The following ZPLD1 variants were observed in gnomAD, a reference collection of about 807,000 sequenced individuals.
ZPLD1 encodes the protein zona pellucida-like domain-containing protein 1.
Under a neutral mutation model 47.2 loss-of-function variants are expected in ZPLD1, and 34 were observed. That is an observed-to-expected ratio of 0.72 (90% CI 0.55 to 0.96). The LOEUF is 0.96. Ranked by LOEUF, ZPLD1 falls within the 40% of genes least tolerant of loss-of-function variation. The pLI, the probability that ZPLD1 is intolerant of heterozygous loss-of-function variation, is 0.00. For synonymous variants in ZPLD1, 176 were observed against 186.2 expected, an observed-to-expected ratio of 0.95 and a Z score of 0.45; for missense variants, 512 against 505.8, an observed-to-expected ratio of 1.01 and a Z score of -0.12.
intron 3 of ZPLD1, among the ~76,000 whole-genome samples, chr3:102,448,111 A>G (rs142605071): frequency 1.4e-3 from 212 of 152,322 alleles, no homozygotes; most frequent in African/African-American, 4.8e-3. Context: ...TTTTTACCCT[A>G]TTCAGTTGAA....
At chr3:102,402,144 A>G (rs1005751309) in intron 7 of ZPLD1, among the ~76,000 whole-genome samples, 2 of 152,212 alleles carry the variant, frequency 1.3e-5, no homozygotes, top group East Asian at 3.9e-4. Flanking sequence ...CAAGAAGTCC[A>G]TAAATGCTTC....
At chr3:102,460,093 C>G (rs1294665258) in intron 6 of ZPLD1, among the ~76,000 whole-genome samples, 1 of 151,940 alleles carries the variant, frequency 6.6e-6, no homozygotes, top group Admixed American at 6.5e-5. Context: ...ATTAGTTGAT[C>G]CAAAATCATA....
upstream of ZPLD1, among the ~76,000 whole-genome samples, chr3:102,432,593 G>T (rs1272715005): frequency 1.3e-5 from 2 of 152,174 alleles, no homozygotes; most frequent in African/African-American, 4.8e-5. Context: ...TTTCTTGAGA[G>T]CAGATAAAGG....
chr3:102,419,792 T>A (rs1425950573), intron 8 of ZPLD1, among the ~76,000 whole-genome samples: 3 of 151,998 alleles, frequency 2.0e-5, no homozygotes, highest in African/African-American at 7.2e-5. Context: ...TTGAATAACT[T>A]TAAGTTCATG....
chr3:102,474,645 A>G (rs958092822), intron 10 of ZPLD1, among the ~76,000 whole-genome samples: 2 of 152,180 alleles, frequency 1.3e-5, no homozygotes, highest in South Asian at 4.1e-4. Context: ...ATTATTCTGC[A>G]TGTATCTTTG....
chr3:102,402,891 A>G (rs987034499), intron 7 of ZPLD1, among the ~76,000 whole-genome samples: 3 of 151,978 alleles, frequency 2.0e-5, no homozygotes, highest in Non-Finnish European at 2.9e-5. Context: ...AACTAAAACT[A>G]TTAGTGTTTT....
chr3:102,396,181 A>G lies in ZPLD1; in HGVS notation c.-157+3956A>G, dbSNP rs138797959. ...GATAGTCCATCGCAATGCATGAATC[A>G]GCCGTGCTGTGCTTCACTACTTTTA... On this transcript the variant is annotated intron_variant, in intron 7 of 17. Transcript: ENST00000491959. Among the ~76,000 whole-genome samples the G allele has an allele frequency of 2.0e-4, 31 of 152,308 alleles. No individual in the cohort carries two copies. In the East Asian group the frequency reaches 4.8e-3, roughly 24 times the overall value.
chr3:102,392,536 C>G (rs1172722026), intron 7 of ZPLD1, among the ~76,000 whole-genome samples: 1 of 149,108 alleles, frequency 6.7e-6, no homozygotes, highest in African/African-American at 2.5e-5. Flanking sequence ...TCCTTCCTTC[C>G]TCCCTCCCTC....
chr3:102,387,582 T>A (rs1375749880), intron 6 of ZPLD1, among the ~76,000 whole-genome samples: 1 of 152,158 alleles, frequency 6.6e-6, no homozygotes, highest in African/African-American at 2.4e-5. Flanking sequence ...GGGACTTCCT[T>A]CTAGGTTAAG....
chr3:102,433,683 C>T (rs777659187), upstream of ZPLD1, among the ~76,000 whole-genome samples: 9 of 152,110 alleles, frequency 5.9e-5, no homozygotes, highest in Non-Finnish European at 1.2e-4. Context: ...CCCGCCACCA[C>T]GCCCGGCTAA....
chr3:102,439,013 T>C (rs1576147690), intron 3 of ZPLD1, among the ~76,000 whole-genome samples: 1 of 152,204 alleles, frequency 6.6e-6, no homozygotes, highest in African/African-American at 2.4e-5. Context: ...AATGAAATGA[T>C]GATTACCACA....
At chr3:102,477,103 T>C in intron 11 of ZPLD1, 62 bp downstream of exon 11, 1 of 1,565,310 alleles carries the variant, frequency 6.4e-7, no homozygotes, top group Non-Finnish European at 8.8e-7. Context: ...TACAAAGCTG[T>C]AATCATCTAA....
chr3:102,417,967 T>C (rs1048141213), intron 7 of ZPLD1: 3 of 152,278 alleles, frequency 2.0e-5, no homozygotes, highest in African/African-American at 7.2e-5. Flanking sequence ...TCAGATTTCA[T>C]GGTGGTGATG....
intron 6 of ZPLD1, among the ~76,000 whole-genome samples, chr3:102,390,650 C>G (rs971335226): frequency 6.6e-6 from 1 of 152,170 alleles, no homozygotes; most frequent in Non-Finnish European, 1.5e-5. Context: ...TGGTTTGCTG[C>G]TGTGAGTCTT....
chr3:102,405,545 A>G (rs1338415893), intron 7 of ZPLD1, among the ~76,000 whole-genome samples: 8 of 151,974 alleles, frequency 5.3e-5, no homozygotes, highest in Admixed American at 2.6e-4. Flanking sequence ...GAACAGGTCC[A>G]CCTCTTCCAG....
upstream of ZPLD1, among the ~76,000 whole-genome samples, chr3:102,431,638 A>T (rs1183165387): frequency 6.6e-6 from 1 of 152,128 alleles, no homozygotes; most frequent in Non-Finnish European, 1.5e-5. Flanking sequence ...GCCGGGCATG[A>T]TGGCTCATGC....
intron 10 of ZPLD1, among the ~76,000 whole-genome samples, chr3:102,471,334 CTT>C (rs924228489): frequency 4.6e-5 from 7 of 152,196 alleles, no homozygotes; most frequent in African/African-American, 4.8e-5. Context: ...TCTACTCTCT[CTT>C]GTGAATTCTC....
intron 8 of ZPLD1, among the ~76,000 whole-genome samples, chr3:102,421,423 C>T (rs532109340): frequency 1.3e-5 from 2 of 151,794 alleles, no homozygotes; most frequent in South Asian, 4.1e-4. Context: ...TTTTTAAAAA[C>T]TACTCATCTT....
At chr3:102,445,820 C>A (rs780994049) in intron 3 of ZPLD1, among the ~76,000 whole-genome samples, 52 of 152,178 alleles carry the variant, frequency 3.4e-4, no homozygotes, top group Admixed American at 6.5e-4. Flanking sequence ...GTTAAAAATT[C>A]ATTTTTAATG....
Sources: gnomAD v4.1 joint callset for allele counts (sites outside exome capture counted in the v4.1 genomes callset) on GRCh38, gnomAD v4.1.1 for gene constraint, MANE v1.5 for transcripts, NCBI Gene and HGNC (gene_info 2026-07-23, HGNC 2026-07-21) for gene names.